The following SGCG variants were observed in gnomAD, a reference collection of about 807,000 sequenced individuals.
SGCG encodes the protein gamma-sarcoglycan.
Under a neutral mutation model 29.3 loss-of-function variants are expected in SGCG, and 26 were observed. The observed-to-expected ratio is 0.89, with a 90% CI of 0.65 to 1.23. The LOEUF (loss-of-function observed/expected upper bound fraction) is 1.23, where lower values mean the gene tolerates loss of function less well. Ranked by LOEUF, SGCG falls within the 50% of genes most tolerant of loss-of-function variation. The probability of loss-of-function intolerance (pLI) is 0.00; values close to 1 mark genes in which losing one functional copy is unlikely to be tolerated. For synonymous variants in SGCG, 145 were observed against 129.7 expected, an observed-to-expected ratio of 1.12 and a Z score of -0.80; for missense variants, 353 against 356.0, an observed-to-expected ratio of 0.99 and a Z score of 0.07.
At chr13:23,205,464 C>T (rs1005431128) in intron 2 of SGCG, among the ~76,000 whole-genome samples, 1 of 152,034 alleles carries the variant, frequency 6.6e-6, no homozygotes, top group Admixed American at 6.6e-5. Flanking sequence ...CATGGAAGGG[C>T]CTGGGAGTGA....
the SGCG span, among the ~76,000 whole-genome samples, chr13:23,165,464 A>T: frequency 6.6e-6 from 1 of 152,088 alleles, no homozygotes; most frequent in African/African-American, 2.4e-5. Flanking sequence ...TGAACAGTGA[A>T]TTTTTTAATG....
Position 23,279,493 on chromosome 13 carries a change from G to A in SGCG, c.505+15G>A, listed in dbSNP as rs144143366. ...TCGAGTAACTGGTATGTACTAACTCGAGAAAAACACAACATTCCATGGAGT... is the reference window on the plus strand; with the variant it reads ...TCGAGTAACTGGTATGTACTAACTCAAGAAAAACACAACATTCCATGGAGT... On this transcript the variant is annotated intron_variant, in intron 5 of 7. Transcript: ENST00000218867. 184 of 1,610,608 alleles carry A rather than the reference G, an allele frequency of 1.1e-4. No individual in the cohort carries two copies. The African/African-American group carries it at 1.9e-3, about 17-fold the overall frequency.
intron 2 of SGCG, among the ~76,000 whole-genome samples, chr13:23,226,914 T>C (rs1357009859): frequency 6.6e-6 from 1 of 152,228 alleles, no homozygotes; most frequent in Non-Finnish European, 1.5e-5. Context: ...ATATTTTTCC[T>C]TTTATATGTG....
At chr13:23,292,115 C>CTTTTTTTTTTTTTTT (rs1165635359) in intron 5 of SGCG, among the ~76,000 whole-genome samples, 3 of 126,568 alleles carry the variant, frequency 2.4e-5, no homozygotes, top group African/African-American at 9.6e-5. Context: ...CATAACATTT[C>CTTTTTTTTTTTTTTT]TTTCTTTTTT....
chr13:23,183,188 C>A (rs1281836669), intron 1 of SGCG, among the ~76,000 whole-genome samples: 1 of 152,138 alleles, frequency 6.6e-6, no homozygotes, highest in African/African-American at 2.4e-5. Flanking sequence ...ACCATTTTAA[C>A]AAGTATCAAA....
intron 4 of SGCG, among the ~76,000 whole-genome samples, chr13:23,275,069 GGGAT>G (rs1017358085): frequency 6.7e-6 from 1 of 149,006 alleles, no homozygotes; most frequent in Non-Finnish European, 1.5e-5. Flanking sequence ...TGTGTAGGAT[GGGAT>G]GGGCTGAGAA....
intron 2 of SGCG, among the ~76,000 whole-genome samples, chr13:23,223,327 C>T (rs1309040879): frequency 1.3e-5 from 2 of 150,064 alleles, no homozygotes; most frequent in East Asian, 3.9e-4. Context: ...ATATTTTATG[C>T]CCCTACATTC....
chr13:23,234,573 T>C (rs1356346446), intron 2 of SGCG, 38 bp from the exon 3 acceptor site: 2 of 1,378,998 alleles, frequency 1.5e-6, no homozygotes, highest in South Asian at 2.3e-5. Flanking sequence ...AAGCAAGCAA[T>C]AAAAATATAC....
intron 2 of SGCG, among the ~76,000 whole-genome samples, chr13:23,230,696 G>A (rs147418993): frequency 2.6e-5 from 4 of 152,240 alleles, no homozygotes; most frequent in African/African-American, 9.6e-5. Flanking sequence ...AGAGACTATG[G>A]GTTATTCTCA....
At chr13:23,229,633 T>A (rs1879031640) in intron 2 of SGCG, among the ~76,000 whole-genome samples, 1 of 152,194 alleles carries the variant, frequency 6.6e-6, no homozygotes, top group Non-Finnish European at 1.5e-5. Flanking sequence ...TTAATGAGGT[T>A]GTTTGTTCTT....
intron 2 of SGCG, among the ~76,000 whole-genome samples, chr13:23,210,301 G>A (rs1256756755): frequency 6.6e-6 from 1 of 152,014 alleles, no homozygotes; most frequent in Non-Finnish European, 1.5e-5. Context: ...TCATAATTGA[G>A]GAAATCAGTG....
chr13:23,254,441 C>G (rs1880099857), intron 4 of SGCG, among the ~76,000 whole-genome samples: 1 of 151,894 alleles, frequency 6.6e-6, no homozygotes, highest in South Asian at 2.1e-4. Context: ...AATTTCTAAG[C>G]AGCAAAGTAT....
chr13:23,297,576 A>G (rs12865942), intron 6 of SGCG, among the ~76,000 whole-genome samples: 55,777 of 152,080 alleles, frequency 0.37, 10,857 homozygotes, highest in East Asian at 0.78. Context: ...TGCTCATGCT[A>G]TTGTTTGTGG....
chr13:23,189,145 A>G (rs536237875), intron 1 of SGCG, among the ~76,000 whole-genome samples: 1 of 152,304 alleles, frequency 6.6e-6, no homozygotes, highest in South Asian at 2.1e-4. Context: ...GCCAGCTATC[A>G]AATATTCCCT....
intron 6 of SGCG, among the ~76,000 whole-genome samples, chr13:23,315,550 T>A (rs1882773860): frequency 6.7e-6 from 1 of 150,144 alleles, no homozygotes; most frequent in Non-Finnish European, 1.5e-5. Flanking sequence ...CACAGATGGT[T>A]CTGTATGATA....
intron 2 of SGCG, 46 bp from the exon 3 acceptor site, chr13:23,234,565 G>C: frequency 7.7e-7 from 1 of 1,292,484 alleles, no homozygotes; most frequent in Non-Finnish European, 1.1e-6. Flanking sequence ...GAATGAAAAA[G>C]CAAGCAATAA....
chr13:23,259,858 G>A (rs1337754090), intron 4 of SGCG, among the ~76,000 whole-genome samples: 1 of 152,190 alleles, frequency 6.6e-6, no homozygotes, highest in East Asian at 1.9e-4. Context: ...GCAGTTTTGA[G>A]TGAGTTTCTT....
At chr13:23,182,055 A>G (rs1876757262) in intron 1 of SGCG, among the ~76,000 whole-genome samples, 1 of 152,226 alleles carries the variant, frequency 6.6e-6, no homozygotes, top group African/African-American at 2.4e-5. Flanking sequence ...ATTTCAATGT[A>G]GTTAGATATA....
intron 4 of SGCG, among the ~76,000 whole-genome samples, chr13:23,252,078 T>C (rs1445765679): frequency 6.6e-6 from 1 of 152,192 alleles, no homozygotes; most frequent in Non-Finnish European, 1.5e-5. Flanking sequence ...CTAAGTCCAG[T>C]GAAATTCTCT....
Sources: allele counts gnomAD v4.1 joint callset (sites outside exome capture counted in the v4.1 genomes callset), GRCh38; gene constraint gnomAD v4.1.1; transcripts MANE v1.5; gene names NCBI Gene and HGNC (gene_info 2026-07-23, HGNC 2026-07-21).